The following OR4N2 variants were observed in gnomAD, a reference collection of about 807,000 sequenced individuals.
The protein encoded by OR4N2 is olfactory receptor family 4 subfamily N member 2.
For synonymous variants in OR4N2, 141 were observed against 140.4 expected (o/e 1.00, Z -0.03); for missense variants, 307 against 377.6 (o/e 0.81, Z 1.55).
chr14:19,805,039 T>C lies in OR4N2; in HGVS notation c.-10+1195T>C, dbSNP rs560200919. Among the ~76,000 whole-genome samples the C allele has an allele frequency of 5.3e-5, 8 of 152,368 alleles. No homozygotes were observed. In the South Asian group the frequency reaches 1.4e-3, roughly 28 times the overall value. On this transcript the variant is annotated intron_variant, in intron 1 of 1. Coordinates refer to ENST00000557677, the MANE Select transcript of OR4N2 (RefSeq NM_001004723.3). ...CATTTGCTTTTTTCTGTTTTCTTTT[T>C]GCTTGGTCTATTTTTTCTCCATCCC...
chr14:19,817,922 T>G (rs1879468105), intron 1 of OR4N2, among the ~76,000 whole-genome samples: 1 of 152,274 alleles, frequency 6.6e-6, no homozygotes, highest in African/African-American at 2.4e-5. Flanking sequence ...AACTTATTTA[T>G]TTCTGCCTAA....
At chr14:19,816,183 C>G (rs1468416924) in intron 1 of OR4N2, among the ~76,000 whole-genome samples, 1 of 130,540 alleles carries the variant, frequency 7.7e-6, no homozygotes, top group Non-Finnish European at 1.8e-5. Context: ...GCTATACAGG[C>G]TCTTTTTTTG....
Position 19,808,624 on chromosome 14 carries a change from A to G in OR4N2, c.-10+4780A>G, listed in dbSNP as rs531187060. Among the ~76,000 whole-genome samples the G allele has an allele frequency of 8.5e-5, 13 of 152,342 alleles. 1 individual carries two copies. In the South Asian group the frequency reaches 2.3e-3, roughly 27 times the overall value. On this transcript the variant is annotated intron_variant, in intron 1 of 1. Transcript: ENST00000557677. ...CCATACTAATAGATTACAAGAATCAATGTTGTTAAAATGGCCACACTGCCC... is the reference window on the plus strand; with the variant it reads ...CCATACTAATAGATTACAAGAATCAGTGTTGTTAAAATGGCCACACTGCCC...
intron 1 of OR4N2, among the ~76,000 whole-genome samples, chr14:19,810,127 T>A (rs1879260101): frequency 6.6e-6 from 1 of 152,208 alleles, no homozygotes; most frequent in Non-Finnish European, 1.5e-5. Context: ...ATATCCAGAA[T>A]CTACAAGGAA....
At chr14:19,805,785 G>T (rs1321552683) in intron 1 of OR4N2, among the ~76,000 whole-genome samples, 1 of 152,146 alleles carries the variant, frequency 6.6e-6, no homozygotes, top group Non-Finnish European at 1.5e-5. Flanking sequence ...ATAATCTTCA[G>T]ATTCACCACA....
At chr14:19,820,978 G>GA (rs927882687) in intron 1 of OR4N2, among the ~76,000 whole-genome samples, 2 of 152,076 alleles carry the variant, frequency 1.3e-5, no homozygotes, top group African/African-American at 2.4e-5. Flanking sequence ...ACTGGGGTAT[G>GA]AAAAAAAACT....
chr14:19,815,459 C>T (rs1594396735), intron 1 of OR4N2, among the ~76,000 whole-genome samples: 1 of 152,132 alleles, frequency 6.6e-6, no homozygotes, highest in Non-Finnish European at 1.5e-5. Flanking sequence ...TTGTTGGCTG[C>T]ATAAATGTCT....
chr14:19,808,305 CTGA>C (rs1879215050), intron 1 of OR4N2, among the ~76,000 whole-genome samples: 1 of 152,148 alleles, frequency 6.6e-6, no homozygotes, highest in South Asian at 2.1e-4. Flanking sequence ...TTTCTATTCA[CTGA>C]TGATATAATT....
chr14:19,812,524 GTTTT>G, intron 1 of OR4N2, among the ~76,000 whole-genome samples: 1 of 151,752 alleles, frequency 6.6e-6, no homozygotes, highest in African/African-American at 2.4e-5. Context: ...TTGTTTGTTT[GTTTT>G]TTGTATTTTT....
intron 1 of OR4N2, among the ~76,000 whole-genome samples, chr14:19,812,194 A>AT (rs1219016964): frequency 3.9e-5 from 6 of 152,106 alleles, no homozygotes; most frequent in Non-Finnish European, 5.9e-5. Context: ...TCTTCCACTG[A>AT]TTTTTTTATA....
At chr14:19,815,288 A>G (rs8018313) in intron 1 of OR4N2, among the ~76,000 whole-genome samples, 28,543 of 149,096 alleles carry the variant, frequency 0.19, 1,405 homozygotes, top group Middle Eastern at 0.28. Context: ...CCTTCCACCA[A>G]CAGTGTAAAA....
intron 1 of OR4N2, among the ~76,000 whole-genome samples, chr14:19,812,807 T>A (rs150947098): frequency 1.4e-3 from 216 of 152,340 alleles, no homozygotes; most frequent in Non-Finnish European, 2.6e-3. Context: ...TTAGGAAGTA[T>A]CTGTTCATAT....
At chr14:19,821,271 C>G (rs1242324251) in intron 1 of OR4N2, among the ~76,000 whole-genome samples, 1 of 152,244 alleles carries the variant, frequency 6.6e-6, no homozygotes, top group Admixed American at 6.5e-5. Context: ...ACTGTCTAAC[C>G]AGTCCCAATG....
Position 19,827,936 on chromosome 14 carries a change from T to C in OR4N2, c.488T>C (p.Ile163Thr). ...FVHSIIQVVL[I>T]LRLPFCGPNQ... ...CACTCCATTATCCAGGTGGTCCTCA[T>C]CCTCCGCTTGCCTTTTTGTGGCCCA... The change falls in exon 2 of 2, where the codon ATC becomes ACC. Residue 163 changes from isoleucine (I) to threonine (T), a missense_variant. By Grantham distance (89) the Ile-to-Thr change is moderately conservative. Coordinates refer to ENST00000557677, the MANE Select transcript of OR4N2 (RefSeq NM_001004723.3). The C allele has an allele frequency of 6.2e-7, 1 of 1,614,200 alleles. No individual in the cohort carries two copies. The highest frequency in any genetic ancestry group is 8.5e-7 in the Non-Finnish European group (1 of 1,180,036).
intron 1 of OR4N2, among the ~76,000 whole-genome samples, chr14:19,826,617 T>C (rs1359932147): frequency 6.6e-6 from 1 of 152,286 alleles, no homozygotes; most frequent in Non-Finnish European, 1.5e-5. Flanking sequence ...GTTTTATACT[T>C]GCAAATTTTA....
intron 1 of OR4N2, among the ~76,000 whole-genome samples, chr14:19,805,357 C>T (rs1461261648): frequency 6.6e-6 from 1 of 152,092 alleles, no homozygotes; most frequent in Non-Finnish European, 1.5e-5. Context: ...AGCAAAATGA[C>T]AGAAGAGCTG....
At position 19,828,299 on chromosome 14, in the gene OR4N2, C is replaced by T. The variant is rs1879777837; in HGVS notation, c.851C>T (p.Pro284Leu). 6.2e-7 allele frequency: 1 copy of T among 1,614,070 alleles called. No homozygotes were observed. The highest frequency in any genetic ancestry group is 8.5e-7 in the Non-Finnish European group (1 of 1,180,026). The stretch of plus-strand genomic sequence containing the variant: ...ACAGTGATTTTTCCTTTGTTGAATC[C>T]TGTCATTTATACCCTTCGCAACCAG... Reference protein sequence around the residue: ...FHTVIFPLLNPVIYTLRNQEV... With the variant: ...FHTVIFPLLNLVIYTLRNQEV... Residue 284 changes from proline to leucine, a missense_variant, in exon 2 of 2, where the codon CCT becomes CTT. Physicochemically the swap from Pro to Leu is moderately conservative, Grantham distance 98. Transcript: ENST00000557677.
In OR4N2 at chr14:19,829,889, C is replaced by G. The variant is rs1879823488; in HGVS notation, c.*1517C>G. 1 of 152,278 alleles carries G rather than the reference C, an allele frequency of 6.6e-6. No homozygotes were observed. The highest frequency in any genetic ancestry group is 2.4e-5 in the African/African-American group (1 of 41,476). The allele number at this position is 152,278 out of a possible 1,614,324, so 9.4% of individuals were successfully genotyped here. A position where few individuals can be genotyped will look rare whatever the true frequency, so the allele number is the denominator to read the frequency against. On this transcript the variant is annotated 3_prime_UTR_variant, in exon 2 of 2. Transcript: ENST00000557677. ...GTCTGAATCTTCAAATAATCCTTCT[C>G]TATTCTCACTCTGTTTATTGCGTTG...
intron 1 of OR4N2, among the ~76,000 whole-genome samples, chr14:19,820,794 T>C (rs1251922270): frequency 3.9e-5 from 6 of 152,220 alleles, no homozygotes; most frequent in Admixed American, 3.3e-4. Context: ...CAAGCTCGAG[T>C]GTCCCAGGTG....
Sources: allele counts gnomAD v4.1 joint callset (sites outside exome capture counted in the v4.1 genomes callset), GRCh38; gene constraint gnomAD v4.1.1; transcripts MANE v1.5; gene names NCBI Gene and HGNC (gene_info 2026-07-23, HGNC 2026-07-21).